PLEKHH2: variants seen among roughly 807,000 people sequenced by gnomAD.
PLEKHH2 encodes pleckstrin homology, MyTH4 and FERM domain containing H2, also known as pleckstrin homology domain-containing family H member 2.
In PLEKHH2, 129 loss-of-function variants were observed where a neutral mutation model predicts 187.9. The ratio of observed to expected loss-of-function variants is 0.69; its 90% CI spans 0.59 to 0.79. The LOEUF is 0.79. PLEKHH2 is among the 30% of genes least tolerant of loss of function. The pLI, the probability that PLEKHH2 is intolerant of heterozygous loss-of-function variation, is 0.00. For missense variants in PLEKHH2, 2,076 were observed against 1,751.2 expected (o/e 1.19, Z -3.31); for synonymous variants, 686 against 605.6 (o/e 1.13, Z -1.95).
At chr2:43,656,965 G>C (rs1666803049) in intron 2 of PLEKHH2, among the ~76,000 whole-genome samples, 1 of 152,206 alleles carries the variant, frequency 6.6e-6, no homozygotes, top group South Asian at 2.1e-4. Context: ...GTTGCAGTGA[G>C]CCGAGATCGC....
intron 15 of PLEKHH2, among the ~76,000 whole-genome samples, chr2:43,718,517 G>C (rs1670321187): frequency 6.6e-6 from 1 of 151,694 alleles, no homozygotes; most frequent in African/African-American, 2.4e-5. Context: ...CAGCCTGGGT[G>C]GCAGAGCGAG....
intron 3 of PLEKHH2, chr2:43,681,145 C>A: frequency 1.4e-6 from 1 of 739,846 alleles, no homozygotes; most frequent in Non-Finnish European, 2.3e-6. Context: ...CCTCCTGCAA[C>A]ACTCTAATGC....
intron 26 of PLEKHH2, among the ~76,000 whole-genome samples, chr2:43,758,443 G>C (rs1672301420): frequency 6.6e-6 from 1 of 152,096 alleles, no homozygotes; most frequent in Non-Finnish European, 1.5e-5. Context: ...AGTAGAGACG[G>C]GGTTTCACCA....
At chr2:43,642,344 C>G (rs1375750309) in intron 1 of PLEKHH2, among the ~76,000 whole-genome samples, 2 of 152,122 alleles carry the variant, frequency 1.3e-5, no homozygotes, top group Non-Finnish European at 2.9e-5. Flanking sequence ...CCTTGCTAAA[C>G]TCTATAGTTT....
chr2:43,654,472 G>A (rs1231453505), intron 2 of PLEKHH2, among the ~76,000 whole-genome samples: 2 of 151,938 alleles, frequency 1.3e-5, no homozygotes, highest in Non-Finnish European at 1.5e-5. Flanking sequence ...TGGGATTACA[G>A]GCGTGAGCCA....
intron 24 of PLEKHH2, among the ~76,000 whole-genome samples, chr2:43,751,995 A>G (rs1259702336): frequency 1.3e-5 from 2 of 150,868 alleles, no homozygotes; most frequent in Non-Finnish European, 2.9e-5. Context: ...CCTGCTGGGA[A>G]TAAGAGAAAA....
intron 3 of PLEKHH2, among the ~76,000 whole-genome samples, chr2:43,686,091 C>T (rs1283800198): frequency 6.6e-6 from 1 of 152,110 alleles, no homozygotes; most frequent in East Asian, 1.9e-4. Context: ...TCTTCCCTTT[C>T]TGTAAAGTTA....
intron 2 of PLEKHH2, among the ~76,000 whole-genome samples, chr2:43,651,934 G>T (rs1052471410): frequency 3.9e-5 from 6 of 152,148 alleles, no homozygotes; most frequent in African/African-American, 1.4e-4. Context: ...TTTTCAGGTT[G>T]CAAACTTTTC....
rs550046879 is a variant in PLEKHH2, at chr2:43,700,488, A to G, written c.1530A>G (p.Gly510=). The part of the protein sequence containing the change: ...LENMDTSCDD[G]LFSYDSLDSP... ...ATATGGACACGAGTTGTGATGATGGATTATTTTCCTATGACTCCTTGGACT... is the reference window on the plus strand; with the variant it reads ...ATATGGACACGAGTTGTGATGATGGGTTATTTTCCTATGACTCCTTGGACT... The change falls in exon 8 of 30, where the codon GGA becomes GGG. Residue 510 remains glycine (G), a synonymous_variant. Transcript: ENST00000282406. The G allele has an allele frequency of 1.2e-6, 2 of 1,614,078 alleles. No individual in the cohort carries two copies. The highest frequency in any genetic ancestry group is 3.3e-5 in the Admixed American group (2 of 60,006).
intron 9 of PLEKHH2, among the ~76,000 whole-genome samples, chr2:43,705,120 C>G (rs577776170): frequency 6.6e-6 from 1 of 152,144 alleles, no homozygotes; most frequent in South Asian, 2.1e-4. Context: ...TCTGGAATAA[C>G]AAGAAATTTT....
chr2:43,678,998 A>G, intron 3 of PLEKHH2, 73 bp downstream of exon 3: 1 of 1,029,914 alleles, frequency 9.7e-7, no homozygotes, highest in South Asian at 1.5e-5. Context: ...TCATAATGGA[A>G]AGACAATTAT....
rs140201772 is a variant in PLEKHH2 at position 43,686,771 on chromosome 2, G to T, written c.187-5743G>T. The stretch of plus-strand genomic sequence containing the variant: ...ATATAAAAATTATAATCAACTTGCT[G>T]ATTTCACTGATAACATGTCAGTAAA... On this transcript the variant is annotated intron_variant, in intron 3 of 29. Coordinates refer to ENST00000282406, the MANE Select transcript of PLEKHH2 (RefSeq NM_172069.4). 8.5e-5 allele frequency among the ~76,000 whole-genome samples: 13 copies of T among 152,256 alleles called. No homozygotes were observed. In the East Asian group the frequency reaches 2.3e-3, roughly 27 times the overall value.
In PLEKHH2 at chr2:43,764,492, G is replaced by C. The variant is rs957261243; in HGVS notation, c.4296+127G>C. 26 of 962,154 alleles carry C rather than the reference G, an allele frequency of 2.7e-5. No individual in the cohort carries two copies. The Admixed American group carries it at 7.9e-4, about 29-fold the overall frequency. 59.6% of individuals were successfully genotyped at this position (962,154 alleles called of 1,614,324 possible). On this transcript the variant is annotated intron_variant, in intron 29 of 29. Coordinates refer to ENST00000282406, the MANE Select transcript of PLEKHH2 (RefSeq NM_172069.4). ...TTTATTCAGCAAAGACTGCATTCCA[G>C]ATGGGAAAACAGACGTTATTTATAG...
At chr2:43,702,126 C>T (rs1669404194) in intron 8 of PLEKHH2, among the ~76,000 whole-genome samples, 1 of 152,194 alleles carries the variant, frequency 6.6e-6, no homozygotes, top group South Asian at 2.1e-4. Context: ...ATAATTTAAC[C>T]TTTGGCCTCC....
intron 1 of PLEKHH2, among the ~76,000 whole-genome samples, chr2:43,637,786 G>T (rs370191587): frequency 6.6e-6 from 1 of 152,334 alleles, no homozygotes; most frequent in African/African-American, 2.4e-5. Context: ...CTCGCCTTAG[G>T]CTTCGGGAGA....
chr2:43,653,604 G>C (rs1236934447), intron 2 of PLEKHH2, among the ~76,000 whole-genome samples: 1 of 152,206 alleles, frequency 6.6e-6, no homozygotes, highest in Non-Finnish European at 1.5e-5. Context: ...TTCTATATGG[G>C]AGAAAGTTGA....
intron 2 of PLEKHH2, chr2:43,676,073 A>T: frequency 6.2e-7 from 1 of 1,613,916 alleles, no homozygotes. Flanking sequence ...AGTACAGCCC[A>T]GTAACTCTCA....
chr2:43,736,673 A>T (rs925182438), intron 19 of PLEKHH2, among the ~76,000 whole-genome samples: 21 of 152,206 alleles, frequency 1.4e-4, no homozygotes, highest in African/African-American at 5.1e-4. Flanking sequence ...GTCTCTACTA[A>T]AAATAAAAAA....
intron 2 of PLEKHH2, among the ~76,000 whole-genome samples, chr2:43,654,249 C>T (rs148261087): frequency 0.025 from 3,864 of 152,204 alleles, 53 homozygotes; most frequent in South Asian, 0.059. Context: ...GGCTGGAGTG[C>T]AGTGTTGAGA....
Sources: allele counts gnomAD v4.1 joint callset (sites outside exome capture counted in the v4.1 genomes callset), GRCh38; gene constraint gnomAD v4.1.1; transcripts MANE v1.5; gene names NCBI Gene and HGNC (gene_info 2026-07-23, HGNC 2026-07-21).